Variants in SNX18 observed in about 807,000 individuals in gnomAD.
SNX18 encodes sorting nexin 18, also known as sorting nexin-18.
SNX18 carries 35 observed loss-of-function variants against 48.7 expected under a neutral mutation model. The ratio of observed to expected loss-of-function variants is 0.72; its 90% CI spans 0.55 to 0.95. SNX18 has a LOEUF of 0.95. SNX18 is among the 40% of genes least tolerant of loss of function. SNX18 has a pLI of 0.00. For synonymous variants in SNX18, 492 were observed against 384.7 expected (o/e 1.28, Z -3.26); for missense variants, 824 against 871.0 (o/e 0.95, Z 0.68).
chr5:54,631,194 C>G, the SNX18 span, among the ~76,000 whole-genome samples: 2 of 152,194 alleles, frequency 1.3e-5, no homozygotes, highest in African/African-American at 4.8e-5. Context: ...CCAGCCAAAA[C>G]TAACAGCCGG....
At chr5:54,574,280 C>A in the SNX18 span, among the ~76,000 whole-genome samples, 3 of 152,320 alleles carry the variant, frequency 2.0e-5, no homozygotes, top group African/African-American at 7.2e-5. Flanking sequence ...AGCATAGTGG[C>A]TGGGCGCTAA....
the SNX18 span, among the ~76,000 whole-genome samples, chr5:54,563,437 C>T: frequency 6.6e-6 from 1 of 152,156 alleles, no homozygotes; most frequent in Non-Finnish European, 1.5e-5. Flanking sequence ...CAGTTGCCTA[C>T]AGTATTCAGT....
the SNX18 span, among the ~76,000 whole-genome samples, chr5:54,578,050 G>A: frequency 2.0e-5 from 3 of 152,170 alleles, no homozygotes; most frequent in Non-Finnish European, 4.4e-5. Context: ...TGCAATTATA[G>A]CTCTTCAAGG....
intron 1 of SNX18, among the ~76,000 whole-genome samples, chr5:54,533,884 G>A (rs1188719674): frequency 1.3e-5 from 2 of 152,106 alleles, no homozygotes; most frequent in Non-Finnish European, 2.9e-5. Flanking sequence ...ACAAGTAGGT[G>A]GAGACCAACA....
chr5:54,562,913 T>C, the SNX18 span, among the ~76,000 whole-genome samples: 3 of 152,192 alleles, frequency 2.0e-5, no homozygotes, highest in South Asian at 6.2e-4. Flanking sequence ...GACAGGGATA[T>C]TGATGATCCT....
rs34232312 is a variant in SNX18 at position 54,518,797 on chromosome 5, A to AC, written c.849dup (p.Thr284HisfsTer68). 8.7e-6 allele frequency: 14 copies of AC among 1,604,588 alleles called. No individual in the cohort carries two copies. On this transcript the variant is annotated frameshift_variant, in exon 1 of 2. Coordinates refer to ENST00000381410, the MANE Select transcript of SNX18 (RefSeq NM_001102575.2). LOFTEE classifies it high-confidence loss of function. ...TACCCGTTCCAGTGCACCATCGACGACCCCACCAAGCAGACCAAGTTCAAG... is the reference window on the plus strand; with the variant it reads ...TACCCGTTCCAGTGCACCATCGACGACCCCCACCAAGCAGACCAAGTTCAAG...
the SNX18 span, among the ~76,000 whole-genome samples, chr5:54,574,744 T>A: frequency 4.6e-5 from 7 of 151,898 alleles, no homozygotes; most frequent in South Asian, 4.1e-4. Context: ...GGCTGCCATG[T>A]TTGGGGATGT....
the SNX18 span, among the ~76,000 whole-genome samples, chr5:54,639,530 C>T: frequency 6.6e-6 from 1 of 152,146 alleles, no homozygotes; most frequent in Non-Finnish European, 1.5e-5. Flanking sequence ...CAAGTATAGT[C>T]TAAATGTATA....
At chr5:54,582,648 C>T in the SNX18 span, among the ~76,000 whole-genome samples, 1 of 151,832 alleles carries the variant, frequency 6.6e-6, no homozygotes, top group Non-Finnish European at 1.5e-5. Flanking sequence ...AAACATTAAC[C>T]AGGCATGCTG....
At chr5:54,562,853 G>A in the SNX18 span, among the ~76,000 whole-genome samples, 69,574 of 151,972 alleles carry the variant, frequency 0.46, 16,148 homozygotes, top group East Asian at 0.5. Context: ...AGCTCCATGC[G>A]TGTCGTTGTC....
At chr5:54,626,818 T>C in the SNX18 span, among the ~76,000 whole-genome samples, 511 of 152,334 alleles carry the variant, frequency 3.4e-3, 2 homozygotes, top group African/African-American at 0.012. Flanking sequence ...GTGGGTAAGA[T>C]AGCAAACTAC....
the SNX18 span, among the ~76,000 whole-genome samples, chr5:54,610,008 T>G: frequency 6.6e-6 from 1 of 152,068 alleles, no homozygotes; most frequent in Admixed American, 6.6e-5. Flanking sequence ...TTACTCCTAC[T>G]TTCACCATGT....
intron 1 of SNX18, among the ~76,000 whole-genome samples, chr5:54,534,088 C>T (rs1157703302): frequency 6.6e-6 from 1 of 152,168 alleles, no homozygotes; most frequent in Non-Finnish European, 1.5e-5. Context: ...TTCTAAGCAG[C>T]TGTCCCTGCT....
At chr5:54,576,620 C>T in the SNX18 span, among the ~76,000 whole-genome samples, 1 of 152,222 alleles carries the variant, frequency 6.6e-6, no homozygotes, top group African/African-American at 2.4e-5. Flanking sequence ...GCACCCCTCC[C>T]TTCCTCATTC....
the SNX18 span, among the ~76,000 whole-genome samples, chr5:54,617,935 G>C: frequency 6.6e-6 from 1 of 152,094 alleles, no homozygotes; most frequent in African/African-American, 2.4e-5. Flanking sequence ...GAAGAGGTAA[G>C]GTCTAAATTG....
chr5:54,612,420 G>A, the SNX18 span, among the ~76,000 whole-genome samples: 8 of 152,012 alleles, frequency 5.3e-5, no homozygotes, highest in South Asian at 2.1e-4. Flanking sequence ...CACCACACCC[G>A]GCTACTTTTT....
Position 54,544,142 on chromosome 5 carries a change from TTTGGATATGAAGTCTGTTAGGGA to T in SNX18, c.*711_*733del, listed in dbSNP as rs1490305247. The T allele has an allele frequency of 6.6e-6, 1 of 152,228 alleles. No homozygotes were observed. Among genetic ancestry groups the T allele is most frequent in the East Asian group, 1.9e-4 (1 of 5,184 alleles). The allele number at this position is 152,228 out of a possible 1,614,324, so 9.4% of individuals were successfully genotyped here. A position where few individuals can be genotyped will look rare whatever the true frequency, so the allele number is the denominator to read the frequency against. ...AGGGGAGTGAGATTCATTGCTCATC[TTTGGATATGAAGTCTGTTAGGGA>T]AGAAACAGTGCCACTATTCCCTTAG... is the stretch of plus-strand genomic sequence containing the variant. On this transcript the variant is annotated 3_prime_UTR_variant, in exon 2 of 2. Coordinates refer to ENST00000381410, the MANE Select transcript of SNX18 (RefSeq NM_001102575.2).
At chr5:54,567,052 G>A in the SNX18 span, among the ~76,000 whole-genome samples, 1 of 152,098 alleles carries the variant, frequency 6.6e-6, no homozygotes, top group East Asian at 1.9e-4. Flanking sequence ...TCTTTTCTAG[G>A]ATTTGAGAAT....
chr5:54,564,225 C>T, the SNX18 span, among the ~76,000 whole-genome samples: 1 of 151,708 alleles, frequency 6.6e-6, no homozygotes, highest in African/African-American at 2.4e-5. Flanking sequence ...GAGACCGCAC[C>T]GTTGCACTCC....
Sources: allele counts gnomAD v4.1 joint callset (sites outside exome capture counted in the v4.1 genomes callset), GRCh38; gene constraint gnomAD v4.1.1; transcripts MANE v1.5; gene names NCBI Gene and HGNC (gene_info 2026-07-23, HGNC 2026-07-21).